Variants in RASAL2 observed in about 807,000 individuals in gnomAD.
RASAL2 encodes ras GTPase-activating protein nGAP.
RASAL2 carries 58 observed loss-of-function variants against 128.9 expected under a neutral mutation model. The observed-to-expected ratio is 0.45, with a 90% CI of 0.36 to 0.56. The LOEUF is 0.56. Ranked by LOEUF, RASAL2 falls within the 20% of genes least tolerant of loss-of-function variation. RASAL2 has a pLI of 0.00. For missense variants in RASAL2, 1,360 were observed against 1,601.6 expected (o/e 0.85, Z 2.57); for synonymous variants, 561 against 580.8 (o/e 0.97, Z 0.49).
intron 1 of RASAL2, among the ~76,000 whole-genome samples, chr1:178,127,936 GA>G (rs1407243130): frequency 2.6e-5 from 4 of 152,066 alleles, no homozygotes; most frequent in African/African-American, 9.7e-5. Context: ...TTAAGAAGAG[GA>G]AATGATTGCT....
At chr1:178,151,973 T>C (rs187715630) in intron 1 of RASAL2, among the ~76,000 whole-genome samples, 28 of 152,304 alleles carry the variant, frequency 1.8e-4, no homozygotes, top group African/African-American at 6.7e-4. Flanking sequence ...CAGAGTTCCT[T>C]GAACTCATGG....
chr1:178,177,431 A>C (rs1661933208), intron 1 of RASAL2, among the ~76,000 whole-genome samples: 1 of 152,226 alleles, frequency 6.6e-6, no homozygotes, highest in South Asian at 2.1e-4. Context: ...GGGATTGACA[A>C]GGTTCTTGCT....
Position 178,458,309 on chromosome 1 carries a change from C to T in RASAL2, c.3017C>T (p.Thr1006Ile), listed in dbSNP as rs528055058. 6.2e-7 allele frequency: 1 copy of T among 1,614,250 alleles called. No homozygotes were observed. The highest frequency in any genetic ancestry group is 2.2e-5 in the East Asian group (1 of 44,886). Reference protein sequence around the residue: ...IPLALPRQNSTGQAQIRKVDQ... With the variant: ...IPLALPRQNSIGQAQIRKVDQ... ...CTTGCTTTGCCACGACAAAATAGTA[C>T]TGGGCAGGCCCAGATCCGAAAAGTG... Residue 1006 changes from threonine (T) to isoleucine (I), a missense_variant, in exon 14 of 18, where the codon ACT (threonine) becomes ATT (isoleucine). Transcript: ENST00000367649.
At chr1:178,308,554 T>TTTTTG (rs1668101385) in intron 3 of RASAL2, among the ~76,000 whole-genome samples, 1 of 150,924 alleles carries the variant, frequency 6.6e-6, no homozygotes, top group African/African-American at 2.4e-5. Flanking sequence ...TTTTTTTTTT[T>TTTTTG]TTTGGAGGCA....
intron 1 of RASAL2, among the ~76,000 whole-genome samples, chr1:178,172,151 A>G (rs1661727146): frequency 6.6e-6 from 1 of 152,010 alleles, no homozygotes. Context: ...AGACATGTCT[A>G]TTTCATGAAT....
At chr1:178,175,721 A>G (rs1178915974) in intron 1 of RASAL2, among the ~76,000 whole-genome samples, 4 of 151,602 alleles carry the variant, frequency 2.6e-5, no homozygotes, top group Non-Finnish European at 5.9e-5. Flanking sequence ...TGAGTTTCCA[A>G]AGTCCATTAT....
intron 3 of RASAL2, among the ~76,000 whole-genome samples, chr1:178,320,664 G>C (rs1668723122): frequency 6.6e-6 from 1 of 152,112 alleles, no homozygotes; most frequent in Non-Finnish European, 1.5e-5. Flanking sequence ...CACACGGTGC[G>C]CGCACCCACT....
At chr1:178,131,143 A>G (rs1660098105) in intron 1 of RASAL2, among the ~76,000 whole-genome samples, 1 of 152,182 alleles carries the variant, frequency 6.6e-6, no homozygotes, top group South Asian at 2.1e-4. Context: ...TAAAATTCCA[A>G]ATAATTAGAG....
chr1:178,242,460 TCTCTCTCTCTCTCTCTC>T (rs1664549694), intron 1 of RASAL2, among the ~76,000 whole-genome samples: 1 of 136,124 alleles, frequency 7.3e-6, no homozygotes, highest in Admixed American at 7.4e-5. Context: ...TCTCTCTCTC[TCTCTCTCTCTCTCTCTC>T]TCTCTTTCAT....
chr1:178,126,421 A>T (rs1659902042), intron 1 of RASAL2, among the ~76,000 whole-genome samples: 1 of 152,214 alleles, frequency 6.6e-6, no homozygotes, highest in Non-Finnish European at 1.5e-5. Context: ...CATAATCAGG[A>T]TTCTAGACTC....
At chr1:178,245,380 G>A (rs895651520) in intron 1 of RASAL2, among the ~76,000 whole-genome samples, 3 of 152,140 alleles carry the variant, frequency 2.0e-5, no homozygotes, top group Non-Finnish European at 2.9e-5. Flanking sequence ...GTCTTCTTTT[G>A]AGAAGTGTCT....
chr1:178,454,533 T>C lies in RASAL2; in HGVS notation c.2096T>C (p.Ile699Thr), dbSNP rs199872493. 9.3e-6 allele frequency: 15 copies of C among 1,613,740 alleles called. No homozygotes were observed. In the Admixed American group the frequency reaches 2.5e-4, roughly 27 times the overall value. Residue 699 changes from isoleucine to threonine, a missense_variant, in exon 12 of 18, where the codon ATC (isoleucine) becomes ACC (threonine). Physicochemically the swap from Ile to Thr is moderately conservative, Grantham distance 89. Coordinates refer to ENST00000367649, the MANE Select transcript of RASAL2 (RefSeq NM_170692.4). ...GGAATGAAGCGCTTTCTTTTGGAGA[T>C]CTCTAATCCAGACACCATCTCAAAC... ...WGGMKRFLLE[I>T]SNPDTISNTP...
chr1:178,235,930 C>T (rs780116065), intron 1 of RASAL2, among the ~76,000 whole-genome samples: 6 of 152,012 alleles, frequency 3.9e-5, no homozygotes, highest in South Asian at 4.2e-4. Flanking sequence ...AATTTATAGG[C>T]GAGAGCTAGT....
At chr1:178,389,187 CT>C in intron 3 of RASAL2, 7 of 756,368 alleles carry the variant, frequency 9.3e-6, no homozygotes, top group South Asian at 6.0e-5. Flanking sequence ...ACACAGAATA[CT>C]TTTTTTAGGA....
At chr1:178,461,051 T>C (rs761652311) in intron 14 of RASAL2, among the ~76,000 whole-genome samples, 4 of 152,126 alleles carry the variant, frequency 2.6e-5, no homozygotes, top group South Asian at 2.1e-4. Context: ...TGACCTCAAG[T>C]GATCCACCTG....
intron 3 of RASAL2, among the ~76,000 whole-genome samples, chr1:178,379,186 TAAA>T (rs898454555): frequency 6.6e-6 from 1 of 152,050 alleles, no homozygotes; most frequent in African/African-American, 2.4e-5. Flanking sequence ...GTAGAAGCAA[TAAA>T]AAACTGTAAT....
chr1:178,296,270 T>A (rs549592341), intron 2 of RASAL2, among the ~76,000 whole-genome samples: 1 of 152,268 alleles, frequency 6.6e-6, no homozygotes, highest in East Asian at 1.9e-4. Context: ...AGCTCTAGTT[T>A]GGCTTTGTTA....
chr1:178,438,102 TTG>T (rs58641965), intron 5 of RASAL2, among the ~76,000 whole-genome samples: 36,134 of 141,838 alleles, frequency 0.25, 5,176 homozygotes, highest in South Asian at 0.42. Context: ...AAATGGTGGC[TTG>T]TGTGTGTGTG....
At chr1:178,296,113 GTGTA>G (rs2102255460) in intron 2 of RASAL2, among the ~76,000 whole-genome samples, 1 of 108,732 alleles carries the variant, frequency 9.2e-6, no homozygotes, top group African/African-American at 4.1e-5. Context: ...GTATATATGT[GTGTA>G]TATATATGTG....
Sources: gnomAD v4.1 joint callset for allele counts (sites outside exome capture counted in the v4.1 genomes callset) on GRCh38, gnomAD v4.1.1 for gene constraint, MANE v1.5 for transcripts, NCBI Gene and HGNC (gene_info 2026-07-23, HGNC 2026-07-21) for gene names.